The following MFSD6 variants were observed in gnomAD, a reference collection of about 807,000 sequenced individuals.
The protein encoded by MFSD6 is major facilitator superfamily domain containing 6.
In MFSD6, 26 loss-of-function variants were observed where a neutral mutation model predicts 56.3. The observed-to-expected ratio is 0.46, with a 90% CI of 0.34 to 0.64. The LOEUF (loss-of-function observed/expected upper bound fraction) is 0.64. Among genes scored for constraint, MFSD6 ranks in the 30% least tolerant of loss-of-function variants. The pLI is 0.01. For missense variants in MFSD6, 750 were observed against 986.2 expected (o/e 0.76, Z 3.21); for synonymous variants, 331 against 366.9 (o/e 0.90, Z 1.12).
rs1689750780 is a variant in MFSD6 at position 190,497,247 on chromosome 2, A to G, written c.1892-192A>G. 6.6e-6 allele frequency among the ~76,000 whole-genome samples: 1 copy of G among 152,176 alleles called. No individual in the cohort carries two copies. The highest frequency in any genetic ancestry group is 6.5e-5 in the Admixed American group (1 of 15,278). ...CTATTAAGGCCTATAAAGAGACCCA[A>G]AGATAAACATCATGTTCATTGATTC... On this transcript the variant is annotated intron_variant, in intron 6 of 7. Transcript: ENST00000392328. This position sits in a 1 kb window ranked among gnomAD's most constrained non-coding sequence, Gnocchi z 5.2.
In MFSD6 at chr2:190,431,037, C is replaced by G. The variant is rs565374096; in HGVS notation, c.-53-4940C>G. On this transcript the variant is annotated intron_variant, in intron 2 of 7. Coordinates refer to ENST00000392328, the MANE Select transcript of MFSD6 (RefSeq NM_017694.4). This position sits in a 1 kb window ranked among gnomAD's most constrained non-coding sequence, Gnocchi z 4.4. ...CTCACCTCCCAGACGGGGTCGCGGC[C>G]GGGCAGAGGCGCTCCTCACCTCCCA... is the stretch of plus-strand genomic sequence containing the variant. Among the ~76,000 whole-genome samples the G allele has an allele frequency of 6.2e-5, 7 of 113,490 alleles. No individual in the cohort carries two copies. The highest frequency in any genetic ancestry group is 1.3e-4 in the Non-Finnish European group (6 of 47,232). The allele number at this position is 113,490 out of a possible 152,430, so 74.5% of individuals were successfully genotyped here.
In MFSD6 at chr2:190,488,364, T is replaced by C. The variant is rs1689137004; in HGVS notation, c.1631-293T>C. Among the ~76,000 whole-genome samples the C allele has an allele frequency of 6.6e-6, 1 of 152,138 alleles. No homozygotes were observed. The highest frequency in any genetic ancestry group is 2.1e-4 in the South Asian group (1 of 4,828). ...GAGACAGGAAGTAGAATGGTGGTTGTCAGGGGATGGGACAAGGGGTGAGTG... is the reference window on the plus strand; with the variant it reads ...GAGACAGGAAGTAGAATGGTGGTTGCCAGGGGATGGGACAAGGGGTGAGTG... On this transcript the variant is annotated intron_variant, in intron 4 of 7. Transcript: ENST00000392328. The surrounding 1 kb of genome is among the most constrained non-coding windows in gnomAD (Gnocchi z 6.4).
chr2:190,492,275 CAA>C lies in MFSD6; in HGVS notation c.1891+2411_1891+2412del, dbSNP rs1689402935. On this transcript the variant is annotated intron_variant, in intron 6 of 7. Transcript: ENST00000392328. The surrounding 1 kb of genome is among the most constrained non-coding windows in gnomAD (Gnocchi z 5.2). ...AAAACTTGCTAGAGACCTAAACATC[CAA>C]ATACAAGAATCCCAAAGAACACCTG... 1.3e-5 allele frequency among the ~76,000 whole-genome samples: 2 copies of C among 152,108 alleles called. No homozygotes were observed. Among genetic ancestry groups the C allele is most frequent in the South Asian group, 4.1e-4 (2 of 4,832 alleles).
intron 6 of MFSD6, among the ~76,000 whole-genome samples, chr2:190,493,599 C>G (rs942561591): frequency 4.6e-5 from 7 of 152,042 alleles, no homozygotes; most frequent in Admixed American, 6.6e-5. Flanking sequence ...GGAACTTTCT[C>G]CAAGATAGAC....
rs576660540 is a variant in MFSD6, at chr2:190,431,393, A to G, written c.-53-4584A>G. Among the ~76,000 whole-genome samples the G allele has an allele frequency of 2.0e-5, 3 of 152,288 alleles. No individual in the cohort carries two copies. The South Asian group carries it at 6.2e-4, about 32-fold the overall frequency. On this transcript the variant is annotated intron_variant, in intron 2 of 7. Coordinates refer to ENST00000392328, the MANE Select transcript of MFSD6 (RefSeq NM_017694.4). The surrounding 1 kb of genome is among the most constrained non-coding windows in gnomAD (Gnocchi z 4.4). ...GGTTGTAGCGAGCCGAGATCACCCC[A>G]CTGCACTCCAGCCTGGGCACCATTG...
chr2:190,443,114 A>AC lies in MFSD6; in HGVS notation c.1532+5559dup, dbSNP rs1281209969. On this transcript the variant is annotated intron_variant, in intron 3 of 7. Coordinates refer to ENST00000392328, the MANE Select transcript of MFSD6 (RefSeq NM_017694.4). This position sits in a 1 kb window ranked among gnomAD's most constrained non-coding sequence, Gnocchi z 4.2. Reference sequence around the variant, plus strand: ...TTTAGCAGCAATGGACTTTCTGAGCACCCCCCAATATCATCACCTGAGCCA... The same window carrying AC: ...TTTAGCAGCAATGGACTTTCTGAGCACCCCCCCAATATCATCACCTGAGCCA... 1.3e-5 allele frequency: 2 copies of AC among 151,950 alleles called. No individual in the cohort carries two copies. The highest frequency in any genetic ancestry group is 2.9e-5 in the Non-Finnish European group (2 of 67,992). 9.4% of individuals were successfully genotyped at this position (151,950 alleles called of 1,614,324 possible).
intron 3 of MFSD6, among the ~76,000 whole-genome samples, chr2:190,440,260 A>G (rs1016370759): frequency 2.0e-5 from 3 of 152,246 alleles, no homozygotes; most frequent in African/African-American, 7.2e-5. Flanking sequence ...CAGTATTTTA[A>G]CAGTTTCACA....
At chr2:190,481,099 A>G (rs1688637623) in intron 4 of MFSD6, among the ~76,000 whole-genome samples, 1 of 152,198 alleles carries the variant, frequency 6.6e-6, no homozygotes, top group Non-Finnish European at 1.5e-5. Flanking sequence ...AGCAGTTCTC[A>G]TGTGTGGCTT....
In MFSD6 at chr2:190,425,934, A is replaced by G. The variant is rs532230859; in HGVS notation, c.-53-10043A>G. Among the ~76,000 whole-genome samples the G allele has an allele frequency of 2.6e-5, 4 of 152,166 alleles. No individual in the cohort carries two copies. The highest frequency in any genetic ancestry group is 6.8e-3 in the Middle Eastern group (2 of 294). On this transcript the variant is annotated intron_variant, in intron 2 of 7. Transcript: ENST00000392328. This position sits in a 1 kb window ranked among gnomAD's most constrained non-coding sequence, Gnocchi z 4.3. ...TTCTCAGAAATCTGCTATCATTTCAATTGTTTTTCTCCCATTGGTAAGTTG... is the reference window on the plus strand; with the variant it reads ...TTCTCAGAAATCTGCTATCATTTCAGTTGTTTTTCTCCCATTGGTAAGTTG...
At position 190,412,719 on chromosome 2, in the gene MFSD6, T is replaced by G. The variant is rs1690609663; in HGVS notation, c.-175-2573T>G. ...ATTTACTCTACTGGCATTTTGGGGG[T>G]GAGAGGGGCTTGTGTCAGCCTGATT... On this transcript the variant is annotated intron_variant, in intron 1 of 7. Transcript: ENST00000392328. This position sits in a 1 kb window ranked among gnomAD's most constrained non-coding sequence, Gnocchi z 4.1. 1 of 654,636 alleles carries G rather than the reference T, an allele frequency of 1.5e-6. No individual in the cohort carries two copies. Among genetic ancestry groups the G allele is most frequent in the Admixed American group, 6.3e-5 (1 of 15,880 alleles). 40.6% of individuals were successfully genotyped at this position (654,636 alleles called of 1,614,324 possible).
intron 3 of MFSD6, among the ~76,000 whole-genome samples, chr2:190,468,829 A>G (rs1464586661): frequency 6.6e-6 from 1 of 152,024 alleles, no homozygotes; most frequent in Non-Finnish European, 1.5e-5. Flanking sequence ...TATTTCTTTT[A>G]CCTTTTACTT....
At chr2:190,479,006 T>C (rs1244497879) in intron 4 of MFSD6, among the ~76,000 whole-genome samples, 1 of 152,130 alleles carries the variant, frequency 6.6e-6, no homozygotes, top group African/African-American at 2.4e-5. Context: ...CTCTTTGGGG[T>C]TGCATGTAAC....
Position 190,485,703 on chromosome 2 carries a change from G to A in MFSD6, c.1631-2954G>A, listed in dbSNP as rs10931455. ...TCTGAGAAAGCTGGCATTATCTAGG[G>A]TATTGCAATTGTTTTGCCAGATAAA... On this transcript the variant is annotated intron_variant, in intron 4 of 7. Transcript: ENST00000392328. This position sits in a 1 kb window ranked among gnomAD's most constrained non-coding sequence, Gnocchi z 5.1. Among the ~76,000 whole-genome samples the A allele has an allele frequency of 0.23, 35,175 of 151,608 alleles. 5,042 individuals carry two copies. Among genetic ancestry groups the A allele is most frequent in the South Asian group, 0.34 (1,627 of 4,808 alleles).
In MFSD6 at chr2:190,424,235, C is replaced by CT. The variant is rs36117421; in HGVS notation, c.-54+8835dup. Among the ~76,000 whole-genome samples the CT allele has an allele frequency of 1.2e-3, 165 of 143,078 alleles. No homozygotes were observed. Among genetic ancestry groups the CT allele is most frequent in the Middle Eastern group, 7.2e-3 (2 of 276 alleles). 93.9% of individuals were successfully genotyped at this position (143,078 alleles called of 152,430 possible). On this transcript the variant is annotated intron_variant, in intron 2 of 7. Coordinates refer to ENST00000392328, the MANE Select transcript of MFSD6 (RefSeq NM_017694.4). The surrounding 1 kb of genome is among the most constrained non-coding windows in gnomAD (Gnocchi z 5.9). ...ACTAGAGGCTAAAGATTTTCTTCTTCTTTTTTTTTTTTTCTAAATGTTTTA... is the reference window on the plus strand; with the variant it reads ...ACTAGAGGCTAAAGATTTTCTTCTTCTTTTTTTTTTTTTTCTAAATGTTTTA...
chr2:190,440,200 A>G (rs1394890438), intron 3 of MFSD6, among the ~76,000 whole-genome samples: 1 of 152,212 alleles, frequency 6.6e-6, no homozygotes, highest in Admixed American at 6.5e-5. Flanking sequence ...AATAAGAAAG[A>G]TTCATACCAG....
In MFSD6 at chr2:190,416,150, G is replaced by T. The variant is rs183306738; in HGVS notation, c.-54+737G>T. Among the ~76,000 whole-genome samples the T allele has an allele frequency of 9.2e-5, 14 of 152,248 alleles. No individual in the cohort carries two copies. The highest frequency in any genetic ancestry group is 7.2e-4 in the Admixed American group (11 of 15,294). On this transcript the variant is annotated intron_variant, in intron 2 of 7. Coordinates refer to ENST00000392328, the MANE Select transcript of MFSD6 (RefSeq NM_017694.4). This position sits in a 1 kb window ranked among gnomAD's most constrained non-coding sequence, Gnocchi z 4.1. The stretch of plus-strand genomic sequence containing the variant: ...AATAAGTAGGAATCTGCTTCATGAT[G>T]GCTGATAAGGTCTGAGGAACCTAAA...
chr2:190,453,150 A>G (rs1686843267), intron 3 of MFSD6, among the ~76,000 whole-genome samples: 1 of 152,154 alleles, frequency 6.6e-6, no homozygotes, highest in African/African-American at 2.4e-5. Flanking sequence ...GAGTGGATAT[A>G]AAATGAATAA....
upstream of MFSD6, among the ~76,000 whole-genome samples, chr2:190,407,581 G>A (rs767997937): frequency 3.3e-5 from 5 of 152,136 alleles, no homozygotes; most frequent in African/African-American, 1.2e-4. This position sits in a 1 kb window ranked among gnomAD's most constrained non-coding sequence, Gnocchi z 5.4. Flanking sequence ...CAGGCACACA[G>A]ACATACTTGC....
intron 3 of MFSD6, among the ~76,000 whole-genome samples, chr2:190,449,908 A>G (rs1374304635): frequency 6.6e-6 from 1 of 152,150 alleles, no homozygotes; most frequent in East Asian, 1.9e-4. Context: ...AGATATACCT[A>G]ATGCTAAATG....
Sources: allele counts gnomAD v4.1 joint callset (sites outside exome capture counted in the v4.1 genomes callset), GRCh38; gene constraint gnomAD v4.1.1; non-coding constraint Gnocchi (gnomAD v3.1); transcripts MANE v1.5; gene names NCBI Gene and HGNC (gene_info 2026-07-23, HGNC 2026-07-21).